CNBD1: variants seen among roughly 807,000 people sequenced by gnomAD.
CNBD1 encodes cyclic nucleotide binding domain containing 1.
Under a neutral mutation model 54.4 loss-of-function variants are expected in CNBD1, and 71 were observed. The ratio of observed to expected loss-of-function variants is 1.30; its 90% CI spans 1.08 to 1.59. The LOEUF (loss-of-function observed/expected upper bound fraction) is 1.59. Ranked by LOEUF, CNBD1 falls within the 40% of genes most tolerant of loss-of-function variation. CNBD1 has a pLI of 0.00. For synonymous variants in CNBD1, 182 were observed against 170.7 expected (o/e 1.07, Z -0.51); for missense variants, 659 against 518.0 (o/e 1.27, Z -2.64).
At chr8:87,149,904 G>A (rs1313555737) in intron 4 of CNBD1, among the ~76,000 whole-genome samples, 2 of 152,056 alleles carry the variant, frequency 1.3e-5, no homozygotes, top group Non-Finnish European at 2.9e-5. Flanking sequence ...GGCTGGGTGC[G>A]GTGGCTCACG....
intron 6 of CNBD1, among the ~76,000 whole-genome samples, chr8:87,241,727 T>TA (rs908654344): frequency 1.3e-5 from 2 of 152,072 alleles, no homozygotes; most frequent in Non-Finnish European, 2.9e-5. Context: ...TGTGCCTATG[T>TA]AAAAAAATAG....
In CNBD1 at chr8:87,288,388, T is replaced by C. The variant is rs113543813; in HGVS notation, c.1042+1717T>C. On this transcript the variant is annotated intron_variant, in intron 8 of 10. Coordinates refer to ENST00000518476, the MANE Select transcript of CNBD1 (RefSeq NM_173538.3). The stretch of plus-strand genomic sequence containing the variant: ...CTCTCTTCCATGCTTTTAATAAAAA[T>C]ATAATATCCAATCTTTGCCCATCTA... Among the ~76,000 whole-genome samples, 9 of 152,114 alleles carry C rather than the reference T, an allele frequency of 5.9e-5. 1 individual carries two copies. The highest frequency in any genetic ancestry group is 2.2e-4 in the African/African-American group (9 of 41,524).
chr8:86,885,982 T>G (rs1808675341), intron 1 of CNBD1, among the ~76,000 whole-genome samples: 1 of 152,228 alleles, frequency 6.6e-6, no homozygotes, highest in East Asian at 1.9e-4. Context: ...TCTATAAGTC[T>G]TATTTTTTTG....
At chr8:87,321,235 T>C (rs1175380172) in intron 8 of CNBD1, among the ~76,000 whole-genome samples, 1 of 149,906 alleles carries the variant, frequency 6.7e-6, no homozygotes, top group African/African-American at 2.5e-5. Flanking sequence ...CTATTTTTAA[T>C]TTTTTGAAGA....
intron 10 of CNBD1, among the ~76,000 whole-genome samples, chr8:87,367,381 G>A (rs1197276923): frequency 1.3e-5 from 2 of 152,062 alleles, no homozygotes; most frequent in African/African-American, 4.8e-5. Flanking sequence ...TTCAGTTGAG[G>A]TGATGAAGAG....
chr8:87,388,999 C>T (rs1005629217), intron 2 of CNBD1, among the ~76,000 whole-genome samples: 2 of 152,256 alleles, frequency 1.3e-5, no homozygotes, highest in Non-Finnish European at 2.9e-5. Flanking sequence ...ACGACAAAAA[C>T]CACATGATTA....
At chr8:86,891,668 C>G (rs1317479835) in intron 2 of CNBD1, among the ~76,000 whole-genome samples, 2 of 152,016 alleles carry the variant, frequency 1.3e-5, no homozygotes, top group African/African-American at 4.8e-5. Context: ...CTGTAGATCA[C>G]TTTTGGTAGT....
At chr8:87,107,974 A>G (rs1811576921) in intron 4 of CNBD1, among the ~76,000 whole-genome samples, 1 of 152,166 alleles carries the variant, frequency 6.6e-6, no homozygotes, top group Non-Finnish European at 1.5e-5. Flanking sequence ...CTATCCCTCT[A>G]TTTGTTTGTT....
intron 10 of CNBD1, among the ~76,000 whole-genome samples, chr8:87,361,689 A>AATATATATATATATATATAT (rs71277937): frequency 4.5e-4 from 64 of 143,450 alleles, no homozygotes; most frequent in African/African-American, 1.6e-3. Context: ...TAGTTGGATG[A>AATATATATATATATATATAT]ATATATATAT....
intron 10 of CNBD1, among the ~76,000 whole-genome samples, chr8:87,363,023 G>T (rs1221673980): frequency 6.6e-6 from 1 of 151,758 alleles, no homozygotes; most frequent in Admixed American, 6.6e-5. Flanking sequence ...CACCCAACAG[G>T]CCCTGGTGTG....
intron 4 of CNBD1, among the ~76,000 whole-genome samples, chr8:87,155,781 G>T (rs1486783274): frequency 6.6e-6 from 1 of 152,122 alleles, no homozygotes; most frequent in East Asian, 1.9e-4. Context: ...TTAATTCGTG[G>T]TACTCAATGT....
intron 4 of CNBD1, among the ~76,000 whole-genome samples, chr8:87,109,701 G>C (rs1003863807): frequency 1.3e-5 from 2 of 151,708 alleles, no homozygotes; most frequent in African/African-American, 4.8e-5. Context: ...ACCACACCCG[G>C]CTAATTTTTT....
At chr8:87,356,558 C>A in intron 10 of CNBD1, among the ~76,000 whole-genome samples, 1 of 152,178 alleles carries the variant, frequency 6.6e-6, no homozygotes, top group Admixed American at 6.5e-5. Flanking sequence ...TTCTAAGCAG[C>A]AAAACATTCA....
intron 4 of CNBD1, among the ~76,000 whole-genome samples, chr8:87,057,887 G>A (rs927567321): frequency 1.3e-4 from 20 of 151,702 alleles, no homozygotes; most frequent in African/African-American, 3.1e-4. Context: ...ACACACAATC[G>A]TGCCTTCCCA....
rs182204409 is a variant in CNBD1, at chr8:87,017,283, C to A, written c.431+77529C>A. Reference sequence around the variant, plus strand: ...TGCCTTATAAAAATAGGTACTATATCTAACTGGGAATGTTTTCCCCTTTCT... The same window carrying A: ...TGCCTTATAAAAATAGGTACTATATATAACTGGGAATGTTTTCCCCTTTCT... On this transcript the variant is annotated intron_variant, in intron 4 of 10. Coordinates refer to ENST00000518476, the MANE Select transcript of CNBD1 (RefSeq NM_173538.3). Among the ~76,000 whole-genome samples, 55 of 152,296 alleles carry A rather than the reference C, an allele frequency of 3.6e-4. 1 individual carries two copies. Among genetic ancestry groups the A allele is most frequent in the Admixed American group, 2.0e-4 (3 of 15,292 alleles).
intron 2 of CNBD1, among the ~76,000 whole-genome samples, chr8:87,404,511 G>C (rs181697399): frequency 1.6e-3 from 243 of 152,114 alleles, no homozygotes; most frequent in African/African-American, 5.7e-3. Flanking sequence ...CATTTGCAAG[G>C]ACTAGTTATT....
chr8:87,034,231 C>T (rs1347566620), intron 4 of CNBD1, among the ~76,000 whole-genome samples: 1 of 152,202 alleles, frequency 6.6e-6, no homozygotes, highest in Non-Finnish European at 1.5e-5. Flanking sequence ...TTTGACTTTT[C>T]TCTGCTTCTT....
In CNBD1 at chr8:87,254,370, A is replaced by T. The variant is rs968294126; in HGVS notation, c.771+17258A>T. On this transcript the variant is annotated intron_variant, in intron 6 of 10. Transcript: ENST00000518476. ...GCTGTGTAGCTTATCATGTGGTTCA[A>T]TCAAAGCATTTCTGTTTAATAGTCA... Among the ~76,000 whole-genome samples, 108 of 152,346 alleles carry T rather than the reference A, an allele frequency of 7.1e-4. 5 individuals carry two copies. The highest frequency in any genetic ancestry group is 4.4e-5 in the Non-Finnish European group (3 of 68,032).
intron 10 of CNBD1, among the ~76,000 whole-genome samples, chr8:87,368,911 T>G (rs1367994669): frequency 6.6e-6 from 1 of 151,896 alleles, no homozygotes; most frequent in African/African-American, 2.4e-5. Context: ...AATGTCAGAT[T>G]CGGCTTCCCT....
Sources: allele counts gnomAD v4.1 joint callset (sites outside exome capture counted in the v4.1 genomes callset), GRCh38; gene constraint gnomAD v4.1.1; transcripts MANE v1.5; gene names NCBI Gene and HGNC (gene_info 2026-07-23, HGNC 2026-07-21).